Variants in POF1B observed in about 807,000 individuals in gnomAD.
POF1B encodes POF1B actin binding protein.
A neutral mutation model predicts 55.3 loss-of-function variants in POF1B; 53 were observed. The observed-to-expected ratio is 0.96, with a 90% CI of 0.77 to 1.20. The LOEUF (loss-of-function observed/expected upper bound fraction) is 1.20. Ranked by LOEUF, POF1B falls within the 50% of genes most tolerant of loss-of-function variation. POF1B has a pLI of 0.00. For synonymous variants in POF1B, 188 were observed against 148.3 expected (o/e 1.27, Z -1.95); for missense variants, 478 against 420.5 (o/e 1.14, Z -1.20).
intron 3 of POF1B, 109 bp downstream of exon 3, chrX:85,367,583 G>A (rs1933746780): frequency 7.7e-6 from 4 of 518,575 alleles, no homozygotes; most frequent in Non-Finnish European, 1.3e-5. Flanking sequence ...TCCTCACATG[G>A]TGTGAATGTG....
At chrX:85,290,585 C>A (rs149098028) in intron 15 of POF1B, among the ~76,000 whole-genome samples, 383 of 111,815 alleles carry the variant, frequency 3.4e-3, no homozygotes, top group Non-Finnish European at 4.3e-3. Context: ...CATTAGCATT[C>A]CCTTTGATCT....
chrX:85,323,450 T>A (rs1360151474), intron 7 of POF1B, among the ~76,000 whole-genome samples: 1 of 41,028 alleles, frequency 2.4e-5, no homozygotes, highest in African/African-American at 9.6e-5. Context: ...TGTTGTGGGG[T>A]GGGGGGAAGG....
chrX:85,282,461 A>T lies in POF1B; in HGVS notation c.1650-144T>A, dbSNP rs1043057494. On this transcript the variant is annotated intron_variant, in intron 15 of 16. Coordinates refer to ENST00000262753, the MANE Select transcript of POF1B (RefSeq NM_024921.4). Reference sequence around the variant, plus strand: ...ACTGTTACTGAAAAAACAAAAAAATAAAAAAACCCTATTTCAATGGACAGA... The same window carrying T: ...ACTGTTACTGAAAAAACAAAAAAATTAAAAAACCCTATTTCAATGGACAGA... 25 of 320,443 alleles carry T rather than the reference A, an allele frequency of 7.8e-5. No homozygotes were observed. The Admixed American group carries it at 1.2e-3, about 15-fold the overall frequency. The allele number at this position is 320,443 out of a possible 1,213,427, so 26.4% of individuals were successfully genotyped here.
At chrX:85,348,731 T>C (rs1933322173) in intron 5 of POF1B, among the ~76,000 whole-genome samples, 1 of 111,419 alleles carries the variant, frequency 9.0e-6, no homozygotes, top group Non-Finnish European at 1.9e-5. Context: ...AACAAGTAAA[T>C]ATTCGAGTTA....
At chrX:85,363,439 T>A in intron 3 of POF1B, among the ~76,000 whole-genome samples, 1 of 111,794 alleles carries the variant, frequency 8.9e-6, no homozygotes. Flanking sequence ...GATTCTGGTA[T>A]GTTGTATCTT....
At chrX:85,324,670 A>G (rs1439914237) in intron 7 of POF1B, among the ~76,000 whole-genome samples, 4 of 110,005 alleles carry the variant, frequency 3.6e-5, no homozygotes, top group Non-Finnish European at 5.7e-5. Context: ...CCAACTTGCC[A>G]CCCTGTGCCT....
intron 6 of POF1B, among the ~76,000 whole-genome samples, chrX:85,333,525 GCCC>G (rs1027315260): frequency 5.4e-5 from 6 of 111,024 alleles, no homozygotes; most frequent in African/African-American, 2.0e-4. Context: ...GATTAGAAAT[GCCC>G]CCAAGTGCTA....
chrX:85,322,031 T>C lies in POF1B; in HGVS notation c.855-6297A>G, dbSNP rs1329299276. Among the ~76,000 whole-genome samples, 32 of 110,648 alleles carry C rather than the reference T, an allele frequency of 2.9e-4. 1 individual carries two copies. The highest frequency in any genetic ancestry group is 9.9e-4 in the African/African-American group (30 of 30,308). On this transcript the variant is annotated intron_variant, in intron 7 of 16. Transcript: ENST00000262753. The stretch of plus-strand genomic sequence containing the variant: ...TGGCCATACTGCCCAAGGTAATTTA[T>C]AGATTCAATGCCATCCCCATCAAGC...
At chrX:85,322,112 C>T (rs1308067268) in intron 7 of POF1B, among the ~76,000 whole-genome samples, 1 of 111,100 alleles carries the variant, frequency 9.0e-6, no homozygotes, top group African/African-American at 3.3e-5. Context: ...TCATAGGGAA[C>T]CAAAAAAGAG....
At chrX:85,309,575 C>T (rs1932653193) in intron 9 of POF1B, among the ~76,000 whole-genome samples, 1 of 111,023 alleles carries the variant, frequency 9.0e-6, no homozygotes, top group African/African-American at 3.3e-5. Context: ...CAGTGTTGGG[C>T]AAGCTGGTGA....
chrX:85,376,989 A>T (rs188990161), intron 2 of POF1B, among the ~76,000 whole-genome samples: 1 of 112,283 alleles, frequency 8.9e-6, no homozygotes, highest in Non-Finnish European at 1.9e-5. Flanking sequence ...AACTGAATTC[A>T]TGATGATCAA....
intron 2 of POF1B, among the ~76,000 whole-genome samples, chrX:85,373,692 T>C (rs1410081966): frequency 9.0e-6 from 1 of 111,489 alleles, no homozygotes; most frequent in Non-Finnish European, 1.9e-5. Context: ...AGGAATTAAG[T>C]AGACTATCAT....
chrX:85,314,556 G>C, intron 8 of POF1B, 50 bp from the exon 9 acceptor site: 1 of 936,904 alleles, frequency 1.1e-6, no homozygotes. Context: ...TCAATCTTAA[G>C]ATCAGCAATC....
At position 85,296,173 on chromosome X, in the gene POF1B, C is replaced by T. The variant is rs372316165; in HGVS notation, c.1649+7233G>A. 5.0e-4 allele frequency among the ~76,000 whole-genome samples: 56 copies of T among 111,755 alleles called. No individual in the cohort carries two copies. The South Asian group carries it at 0.02, about 39-fold the overall frequency. ...TCTTGAAGACAGCAGACAGTTGGGTCTTGTCTTTTTATTGAACTTACCACT... is the reference window on the plus strand; with the variant it reads ...TCTTGAAGACAGCAGACAGTTGGGTTTTGTCTTTTTATTGAACTTACCACT... On this transcript the variant is annotated intron_variant, in intron 15 of 16. Coordinates refer to ENST00000262753, the MANE Select transcript of POF1B (RefSeq NM_024921.4).
intron 11 of POF1B, 101 bp downstream of exon 11, chrX:85,307,062 T>G (rs1932589347): frequency 1.5e-6 from 1 of 670,937 alleles, no homozygotes. Flanking sequence ...TCCATCATAT[T>G]TAATTCTGTC....
chrX:85,374,042 T>C (rs928440033), intron 2 of POF1B, among the ~76,000 whole-genome samples: 3 of 111,453 alleles, frequency 2.7e-5, no homozygotes, highest in African/African-American at 9.8e-5. Context: ...AGATACTTAG[T>C]GTCATTGAAG....
rs376922800 is a variant in POF1B, at chrX:85,304,336, T to G, written c.1566+7A>C. On this transcript the variant is annotated splice_region_variant and intron_variant, in intron 14 of 16. Coordinates refer to ENST00000262753, the MANE Select transcript of POF1B (RefSeq NM_024921.4). ...CTTTTCTCCATCCCCACCCCTTCCT[T>G]TTATACCTCTGACTGACGCTTTATG... 5 of 1,173,390 alleles carry G rather than the reference T, an allele frequency of 4.3e-6. No individual in the cohort carries two copies. The African/African-American group carries it at 9.0e-5, about 21-fold the overall frequency.
Position 85,279,423 on chromosome X carries a change from A to G in POF1B, c.1768T>C (p.Ter590ArgextTer5). The G allele has an allele frequency of 3.4e-6, 4 of 1,189,240 alleles. No individual in the cohort carries two copies. The highest frequency in any genetic ancestry group is 4.6e-6 in the Non-Finnish European group (4 of 878,474). Reference sequence around the variant, plus strand: ...GTAATACTTTAAAGTGGATCCATTCATGGCTAGAAAAGAAAAAAAAAGGTT... The same window carrying G: ...GTAATACTTTAAAGTGGATCCATTCGTGGCTAGAAAAGAAAAAAAAAGGTT... ...EKTEDKYTCP[*>R] The change falls in exon 17 of 17, where the codon TGA (stop) becomes CGA (arginine). Residue 590 changes from the stop codon to arginine, a stop_lost. Transcript: ENST00000262753.
intron 7 of POF1B, among the ~76,000 whole-genome samples, chrX:85,318,452 A>T (rs1932806705): frequency 9.0e-6 from 1 of 111,729 alleles, no homozygotes; most frequent in Admixed American, 9.6e-5. Context: ...GTCAGGTCTT[A>T]TGTCTAGAAT....
Sources: allele counts gnomAD v4.1 joint callset (sites outside exome capture counted in the v4.1 genomes callset), GRCh38; gene constraint gnomAD v4.1.1; transcripts MANE v1.5; gene names NCBI Gene and HGNC (gene_info 2026-07-23, HGNC 2026-07-21).